RGS7: variants seen among roughly 807,000 people sequenced by gnomAD.
RGS7 encodes the protein regulator of G protein signaling 7.
A neutral mutation model predicts 81.1 loss-of-function variants in RGS7; 27 were observed. That is an observed-to-expected ratio of 0.33 (90% CI 0.25 to 0.46). The LOEUF (loss-of-function observed/expected upper bound fraction) is 0.46. Ranked by LOEUF, RGS7 falls within the 20% of genes least tolerant of loss-of-function variation. The probability of loss-of-function intolerance (pLI) is 1.00; values close to 1 mark genes in which losing one functional copy is unlikely to be tolerated. For missense variants in RGS7, 396 were observed against 607.4 expected, an observed-to-expected ratio of 0.65 and a Z score of 3.66; for synonymous variants, 208 against 207.7, an observed-to-expected ratio of 1.00 and a Z score of -0.01.
chr1:240,979,581 G>A (rs1023044887), intron 4 of RGS7, among the ~76,000 whole-genome samples: 1 of 152,138 alleles, frequency 6.6e-6, no homozygotes, highest in East Asian at 1.9e-4. Flanking sequence ...TTGACGTTTC[G>A]GGGAGAGGCC....
At chr1:241,127,816 T>C (rs189857537) in intron 2 of RGS7, among the ~76,000 whole-genome samples, 128 of 152,286 alleles carry the variant, frequency 8.4e-4, no homozygotes, top group African/African-American at 2.9e-3. Flanking sequence ...TGTAAAAACA[T>C]AGTTTTGGAG....
At chr1:241,347,154 T>C (rs970411405) in intron 2 of RGS7, among the ~76,000 whole-genome samples, 1 of 152,188 alleles carries the variant, frequency 6.6e-6, no homozygotes. Context: ...GTTCTTGACA[T>C]CTTCTACCAA....
intron 2 of RGS7, among the ~76,000 whole-genome samples, chr1:241,346,637 C>T (rs961891394): frequency 6.6e-6 from 1 of 152,156 alleles, no homozygotes; most frequent in African/African-American, 2.4e-5. Flanking sequence ...TCACAGAGCT[C>T]GACAGTTCTG....
chr1:241,088,007 C>T (rs556155357), intron 3 of RGS7, among the ~76,000 whole-genome samples: 24,367 of 131,008 alleles, frequency 0.19, 2,469 homozygotes, highest in African/African-American at 0.31. Context: ...CACACACACA[C>T]ATATATATAT....
At chr1:240,874,170 A>G (rs1008375977) in intron 6 of RGS7, among the ~76,000 whole-genome samples, 20 of 152,242 alleles carry the variant, frequency 1.3e-4, no homozygotes, top group Non-Finnish European at 4.4e-5. Context: ...TTGGCACTTT[A>G]ATCCTGGACT....
chr1:241,109,683 C>A (rs1389907898), intron 2 of RGS7, among the ~76,000 whole-genome samples: 2 of 151,974 alleles, frequency 1.3e-5, no homozygotes, highest in Admixed American at 6.6e-5. Flanking sequence ...TCTGGCCGGG[C>A]GCAGTGGCTC....
chr1:241,322,123 C>T (rs997147114), intron 2 of RGS7, among the ~76,000 whole-genome samples: 7 of 152,174 alleles, frequency 4.6e-5, no homozygotes, highest in African/African-American at 1.7e-4. Flanking sequence ...ATTATCCCAC[C>T]TGAGAGCAAT....
intron 2 of RGS7, among the ~76,000 whole-genome samples, chr1:241,221,955 A>G (rs10926433): frequency 0.092 from 13,980 of 152,174 alleles, 810 homozygotes; most frequent in East Asian, 0.2. Flanking sequence ...CACTTTATAC[A>G]CACACACATA....
chr1:240,932,781 T>G (rs1337965991), intron 5 of RGS7, among the ~76,000 whole-genome samples: 2 of 151,032 alleles, frequency 1.3e-5, no homozygotes, highest in East Asian at 3.9e-4. Context: ...GTGCTGGGAT[T>G]ACAGGTGTGA....
chr1:240,817,857 C>A (rs1464650782), intron 10 of RGS7, among the ~76,000 whole-genome samples: 1 of 152,190 alleles, frequency 6.6e-6, no homozygotes, highest in Non-Finnish European at 1.5e-5. Context: ...TCCGCCTTGG[C>A]CTCCCAAAAT....
chr1:240,948,433 G>A (rs1679008786), intron 4 of RGS7, among the ~76,000 whole-genome samples: 1 of 152,014 alleles, frequency 6.6e-6, no homozygotes, highest in South Asian at 2.1e-4. Context: ...TATTTTTTAA[G>A]TGTTGCTATT....
intron 2 of RGS7, among the ~76,000 whole-genome samples, chr1:241,295,651 C>A (rs995892796): frequency 6.6e-6 from 1 of 152,070 alleles, no homozygotes; most frequent in Non-Finnish European, 1.5e-5. Context: ...TGTTTAGGGG[C>A]AGAGATTTTC....
intron 6 of RGS7, among the ~76,000 whole-genome samples, chr1:240,882,985 T>C (rs1032034501): frequency 2.6e-5 from 4 of 152,164 alleles, no homozygotes; most frequent in Non-Finnish European, 4.4e-5. Flanking sequence ...AGTGAGAACA[T>C]GTGGTGTTTG....
At chr1:241,302,270 C>CCGGG (rs1394976281) in intron 2 of RGS7, among the ~76,000 whole-genome samples, 4 of 151,008 alleles carry the variant, frequency 2.6e-5, no homozygotes, top group Non-Finnish European at 5.9e-5. Context: ...CTTCGGCCGG[C>CCGGG]CGGGCGCGGT....
At chr1:240,928,048 G>T (rs1674759358) in intron 6 of RGS7, among the ~76,000 whole-genome samples, 1 of 152,148 alleles carries the variant, frequency 6.6e-6, no homozygotes, top group African/African-American at 2.4e-5. Context: ...TATTTACTCT[G>T]AGTTACACCT....
At chr1:241,261,487 G>A (rs761585564) in intron 2 of RGS7, among the ~76,000 whole-genome samples, 3 of 152,080 alleles carry the variant, frequency 2.0e-5, no homozygotes, top group East Asian at 3.9e-4. Flanking sequence ...AAATTAGCCC[G>A]GTGTGGTGGC....
chr1:240,812,338 T>C (rs2103099971), intron 13 of RGS7, among the ~76,000 whole-genome samples: 1 of 152,190 alleles, frequency 6.6e-6, no homozygotes, highest in South Asian at 2.1e-4. Flanking sequence ...ATTTTCCAGA[T>C]GAGGACAGTG....
At chr1:240,846,622 T>C (rs561130112) in intron 9 of RGS7, among the ~76,000 whole-genome samples, 1 of 152,306 alleles carries the variant, frequency 6.6e-6, no homozygotes, top group South Asian at 2.1e-4. Context: ...GTACCCTCCA[T>C]AACAGTCCCT....
intron 2 of RGS7, among the ~76,000 whole-genome samples, chr1:241,274,543 GA>G (rs1213151854): frequency 4.6e-5 from 7 of 152,112 alleles, no homozygotes; most frequent in African/African-American, 1.4e-4. Context: ...TGCAGATGAA[GA>G]AAAATAATAT....
Sources: allele counts gnomAD v4.1 joint callset (sites outside exome capture counted in the v4.1 genomes callset), GRCh38; gene constraint gnomAD v4.1.1; transcripts MANE v1.5; gene names NCBI Gene and HGNC (gene_info 2026-07-23, HGNC 2026-07-21).